The following DPH6 variants were observed in gnomAD, a reference collection of about 807,000 sequenced individuals.
The protein encoded by DPH6 is diphthamine biosynthesis 6.
DPH6 carries 33 observed loss-of-function variants against 38.2 expected under a neutral mutation model. The observed-to-expected ratio is 0.86, with a 90% CI of 0.65 to 1.15. The LOEUF (loss-of-function observed/expected upper bound fraction) is 1.15. Among genes scored for constraint, DPH6 ranks in the 50% most tolerant of loss-of-function variants. The pLI, the probability that DPH6 is intolerant of heterozygous loss-of-function variation, is 0.00. For missense variants in DPH6, 325 were observed against 320.0 expected, an observed-to-expected ratio of 1.02 and a Z score of -0.12; for synonymous variants, 108 against 103.0, an observed-to-expected ratio of 1.05 and a Z score of -0.30.
chr15:35,378,871 G>GT (rs1419089736), intron 7 of DPH6, among the ~76,000 whole-genome samples: 6 of 152,144 alleles, frequency 3.9e-5, no homozygotes, highest in Non-Finnish European at 7.3e-5. Context: ...AATACCTAAT[G>GT]TAGGTTATGG....
intron 6 of DPH6, among the ~76,000 whole-genome samples, chr15:35,407,261 TA>T (rs57315821): frequency 0.3 from 46,184 of 151,444 alleles, 7,712 homozygotes; most frequent in African/African-American, 0.45. Flanking sequence ...CATTTTTTTT[TA>T]AAGAAGGTTT....
intron 3 of DPH6, among the ~76,000 whole-genome samples, chr15:35,352,464 T>C (rs1053200001): frequency 6.6e-6 from 1 of 152,162 alleles, no homozygotes; most frequent in Non-Finnish European, 1.5e-5. Context: ...CGGTGTGTGA[T>C]GTTCCCCTTC....
intron 3 of DPH6, among the ~76,000 whole-genome samples, chr15:35,480,879 T>C (rs573354052): frequency 6.6e-5 from 10 of 152,124 alleles, no homozygotes; most frequent in South Asian, 2.1e-4. Context: ...ACAGGAATGA[T>C]AGAATTGTAA....
intron 3 of DPH6, among the ~76,000 whole-genome samples, chr15:35,345,299 A>G (rs2052452717): frequency 6.6e-6 from 1 of 151,880 alleles, no homozygotes; most frequent in Admixed American, 6.6e-5. Context: ...CTATTTATAG[A>G]GTCATAACCG....
chr15:35,442,953 A>C (rs892380481), intron 5 of DPH6, among the ~76,000 whole-genome samples: 1 of 152,192 alleles, frequency 6.6e-6, no homozygotes, highest in African/African-American at 2.4e-5. Flanking sequence ...TTCTAAAACT[A>C]GACTGTGGTG....
chr15:35,171,685 T>G, the DPH6 span, among the ~76,000 whole-genome samples: 1 of 151,940 alleles, frequency 6.6e-6, no homozygotes, highest in Non-Finnish European at 1.5e-5. Flanking sequence ...TCAGTAATGC[T>G]GGGGAACAGA....
intron 5 of DPH6, among the ~76,000 whole-genome samples, chr15:35,436,220 A>C (rs1327782423): frequency 1.3e-5 from 2 of 151,922 alleles, no homozygotes; most frequent in Non-Finnish European, 2.9e-5. Context: ...TAATCCCAGC[A>C]CTTTGGGAGG....
the DPH6 span, among the ~76,000 whole-genome samples, chr15:35,193,833 A>G: frequency 6.6e-6 from 1 of 152,192 alleles, no homozygotes; most frequent in South Asian, 2.1e-4. Flanking sequence ...ATTTGTGAAC[A>G]GGACTTTCAA....
intron 3 of DPH6, among the ~76,000 whole-genome samples, chr15:35,303,824 AT>A (rs1397006558): frequency 6.6e-6 from 1 of 151,130 alleles, no homozygotes; most frequent in Non-Finnish European, 1.5e-5. Flanking sequence ...AATTTTCTTT[AT>A]TGAGTCCCAG....
chr15:35,247,609 G>A (rs1451002364), intron 3 of DPH6, among the ~76,000 whole-genome samples: 1 of 152,186 alleles, frequency 6.6e-6, no homozygotes, highest in Non-Finnish European at 1.5e-5. Context: ...TTTCAGTTGG[G>A]AGAAGGAGGG....
At chr15:35,215,444 A>G (rs1308293260), downstream of DPH6, among the ~76,000 whole-genome samples, 1 of 152,176 alleles carries the variant, frequency 6.6e-6, no homozygotes, top group Non-Finnish European at 1.5e-5. Flanking sequence ...GCTGGGGTAC[A>G]GTGGTGTGAT....
At chr15:35,397,140 C>T (rs950207857) in intron 6 of DPH6, among the ~76,000 whole-genome samples, 2 of 152,190 alleles carry the variant, frequency 1.3e-5, no homozygotes, top group African/African-American at 4.8e-5. Flanking sequence ...CCCTAACAAC[C>T]TTTAAGCTTG....
intron 5 of DPH6, among the ~76,000 whole-genome samples, chr15:35,420,214 G>C (rs1760038358): frequency 6.6e-6 from 1 of 151,958 alleles, no homozygotes; most frequent in East Asian, 1.9e-4. Flanking sequence ...GGTCAAAGAA[G>C]AAATTAAAGG....
chr15:35,525,872 C>T lies in DPH6; in HGVS notation c.312+12402G>A, dbSNP rs1216114990. Among the ~76,000 whole-genome samples the T allele has an allele frequency of 2.0e-5, 3 of 152,132 alleles. No individual in the cohort carries two copies. The East Asian group carries it at 5.8e-4, about 29-fold the overall frequency. On this transcript the variant is annotated intron_variant, in intron 3 of 8. Transcript: ENST00000256538. ...ATTTTTCCTCTCCCAGAAAAATTTA[C>T]ACCTACAAAACATTTGCATAAAATT...
At chr15:35,263,469 G>GATCATA (rs1166830604) in intron 3 of DPH6, among the ~76,000 whole-genome samples, 1 of 137,786 alleles carries the variant, frequency 7.3e-6, no homozygotes, top group Non-Finnish European at 1.5e-5. Flanking sequence ...GCAGTGGCAT[G>GATCATA]ATCATAGCTC....
At chr15:35,250,984 A>G (rs1453562617) in intron 3 of DPH6, among the ~76,000 whole-genome samples, 3 of 152,098 alleles carry the variant, frequency 2.0e-5, no homozygotes, top group African/African-American at 7.2e-5. Context: ...GTGCCAAGCA[A>G]TCTACACATA....
intron 3 of DPH6, among the ~76,000 whole-genome samples, chr15:35,227,728 G>T (rs548654063): frequency 2.7e-4 from 41 of 150,814 alleles, no homozygotes; most frequent in African/African-American, 8.5e-4. Flanking sequence ...TGTTTATTTG[G>T]TTTTTCATCT....
At chr15:35,541,016 A>G (rs181600183) in intron 2 of DPH6, among the ~76,000 whole-genome samples, 8 of 152,240 alleles carry the variant, frequency 5.3e-5, no homozygotes, top group Admixed American at 5.2e-4. Flanking sequence ...TTTATAATAC[A>G]GAAGTTAGAG....
intron 3 of DPH6, among the ~76,000 whole-genome samples, chr15:35,480,068 C>A (rs899573303): frequency 6.6e-6 from 1 of 151,554 alleles, no homozygotes; most frequent in Non-Finnish European, 1.5e-5. Flanking sequence ...TATAATAATA[C>A]AATTTATTTT....
Sources: gnomAD v4.1 joint callset for allele counts (sites outside exome capture counted in the v4.1 genomes callset) on GRCh38, gnomAD v4.1.1 for gene constraint, MANE v1.5 for transcripts, NCBI Gene and HGNC (gene_info 2026-07-23, HGNC 2026-07-21) for gene names.